Variants in ACSM2B observed in about 807,000 individuals in gnomAD.
ACSM2B encodes the protein acyl-coenzyme A synthetase ACSM2B, mitochondrial.
In ACSM2B, 58 loss-of-function variants were observed where a neutral mutation model predicts 78.6. The ratio of observed to expected loss-of-function variants is 0.74; its 90% CI spans 0.60 to 0.92. The LOEUF (loss-of-function observed/expected upper bound fraction) is 0.92. Ranked by LOEUF, ACSM2B falls within the 40% of genes least tolerant of loss-of-function variation. The pLI is 0.00. For synonymous variants in ACSM2B, 257 were observed against 256.8 expected, an observed-to-expected ratio of 1.00 and a Z score of -0.01; for missense variants, 688 against 711.2, an observed-to-expected ratio of 0.97 and a Z score of 0.37.
chr16:20,554,166 C>A, intron 4 of ACSM2B: 1 of 663,860 alleles, frequency 1.5e-6, no homozygotes, highest in Non-Finnish European at 2.7e-6. Context: ...TTCTCTGTGT[C>A]TCACTTTATA....
chr16:20,568,588 T>C (rs1447344868), intron 1 of ACSM2B, among the ~76,000 whole-genome samples: 1 of 151,600 alleles, frequency 6.6e-6, no homozygotes, highest in Non-Finnish European at 1.5e-5. Flanking sequence ...AGATACCCAG[T>C]AGTGGGATTG....
Position 20,548,043 on chromosome 16 carries a change from T to C in ACSM2B, c.1098+19A>G, listed in dbSNP as rs2015192569. The C allele has an allele frequency of 6.2e-7, 1 of 1,613,544 alleles. No homozygotes were observed. The highest frequency in any genetic ancestry group is 8.5e-7 in the Non-Finnish European group (1 of 1,179,646). ...CCCAAAAAGTGCACACAGCCCATGG[T>C]TCCCCTGGGAACAGGTACCGTTTCT... On this transcript the variant is annotated intron_variant, in intron 8 of 13. Coordinates refer to ENST00000329697, the MANE Select transcript of ACSM2B (RefSeq NM_001105069.2).
At chr16:20,552,403 G>A in intron 5 of ACSM2B, 106 bp from the exon 6 acceptor site, 1 of 1,454,926 alleles carries the variant, frequency 6.9e-7, no homozygotes, top group Non-Finnish European at 9.2e-7. Flanking sequence ...GCAGAGGTGT[G>A]CGTGTATCTG....
In ACSM2B at chr16:20,536,435, T is replaced by G. The variant is rs926380029; in HGVS notation, c.*823A>C. ...ATGTGGTATTTATAATGTGTCTGGG[T>G]CAGTGCCTGGCACATGGCAAATGCT... On this transcript the variant is annotated 3_prime_UTR_variant, in exon 14 of 14. Transcript: ENST00000329697. 2 of 152,158 alleles carry G rather than the reference T, an allele frequency of 1.3e-5. No homozygotes were observed. The highest frequency in any genetic ancestry group is 2.9e-5 in the Non-Finnish European group (2 of 68,032). 9.4% of individuals were successfully genotyped at this position (152,158 alleles called of 1,614,324 possible). A position where few individuals can be genotyped will look rare whatever the true frequency, so the allele number is the denominator to read the frequency against.
At chr16:20,552,114 A>G in intron 6 of ACSM2B, 30 bp downstream of exon 6, 1 of 1,569,446 alleles carries the variant, frequency 6.4e-7, no homozygotes, top group South Asian at 1.2e-5. Context: ...CTCACTCTGA[A>G]TAACTGCTGC....
intron 2 of ACSM2B, among the ~76,000 whole-genome samples, chr16:20,559,845 A>G (rs1174420592): frequency 2.0e-5 from 3 of 150,978 alleles, no homozygotes; most frequent in Non-Finnish European, 4.4e-5. Context: ...ATAACATTGG[A>G]TCCTCTCATC....
chr16:20,540,866 C>A, intron 12 of ACSM2B, 93 bp from the exon 13 acceptor site: 1 of 1,508,258 alleles, frequency 6.6e-7, no homozygotes, highest in Non-Finnish European at 9.0e-7. Flanking sequence ...TTGCATCACC[C>A]TTGTATCTAC....
At chr16:20,555,713 C>T (rs2015453212) in intron 3 of ACSM2B, among the ~76,000 whole-genome samples, 1 of 152,140 alleles carries the variant, frequency 6.6e-6, no homozygotes, top group Admixed American at 6.5e-5. Flanking sequence ...AATTGAATTG[C>T]TAATGTCACA....
At chr16:20,540,130 G>A (rs541229603) in intron 13 of ACSM2B, among the ~76,000 whole-genome samples, 2 of 152,082 alleles carry the variant, frequency 1.3e-5, no homozygotes, top group African/African-American at 2.4e-5. Context: ...GATTCAGAGT[G>A]AGTCAAAAGC....
Position 20,546,290 on chromosome 16 carries a change from T to A in ACSM2B, c.1179+104A>T, listed in dbSNP as rs1438694922. On this transcript the variant is annotated intron_variant, in intron 9 of 13. Transcript: ENST00000329697. ...CCTTTTTTCTGATATTATCTTAATATCAGTACTTTCTATTATTTTTGACTC... is the reference window on the plus strand; with the variant it reads ...CCTTTTTTCTGATATTATCTTAATAACAGTACTTTCTATTATTTTTGACTC... The A allele has an allele frequency of 2.6e-5, 39 of 1,475,852 alleles. No homozygotes were observed. The East Asian group carries it at 6.0e-4, about 23-fold the overall frequency. 91.4% of individuals were successfully genotyped at this position (1,475,852 alleles called of 1,614,324 possible).
At chr16:20,553,306 A>G (rs2015374032) in intron 5 of ACSM2B, among the ~76,000 whole-genome samples, 1 of 152,160 alleles carries the variant, frequency 6.6e-6, no homozygotes. Flanking sequence ...TATCAGTGGG[A>G]AAAAAATGCT....
chr16:20,566,726 TATATATA>T (rs2015890010), intron 1 of ACSM2B, among the ~76,000 whole-genome samples: 2 of 28,090 alleles, frequency 7.1e-5, no homozygotes, highest in Non-Finnish European at 1.1e-4. Flanking sequence ...TAGTATATAC[TATATATA>T]GTATATACTA....
At position 20,552,223 on chromosome 16, in the gene ACSM2B, G is replaced by C. The variant is rs745389976; in HGVS notation, c.815C>G (p.Ser272Ter). 10 of 1,613,772 alleles carry C rather than the reference G, an allele frequency of 6.2e-6. No homozygotes were observed. In the South Asian group the frequency reaches 9.9e-5, roughly 16 times the overall value. ...TCCTAATGTCCAAGATTCCAAAAGT[G>C]AGCCCAAGATGTTCAGTATCCAACC... ...DTGWILNILG[S>*]LLESWTLGAC... Residue 272 changes from serine to a stop codon, truncating the protein, a stop_gained, in exon 6 of 14, where the codon TCA becomes TGA. Coordinates refer to ENST00000329697, the MANE Select transcript of ACSM2B (RefSeq NM_001105069.2). LOFTEE classifies it high-confidence loss of function.
At chr16:20,558,580 C>T (rs1045364071) in intron 3 of ACSM2B, among the ~76,000 whole-genome samples, 1 of 152,086 alleles carries the variant, frequency 6.6e-6, no homozygotes, top group East Asian at 1.9e-4. Flanking sequence ...ACAAGCCTCT[C>T]TATCTCTTGG....
chr16:20,561,512 T>G (rs925500650), intron 2 of ACSM2B, among the ~76,000 whole-genome samples: 5 of 151,726 alleles, frequency 3.3e-5, no homozygotes, highest in Non-Finnish European at 2.9e-5. Context: ...TGCTAAGTCA[T>G]TCGTGTGGGA....
intron 4 of ACSM2B, 100 bp downstream of exon 4, chr16:20,555,169 C>T (rs1276367713): frequency 1.9e-6 from 3 of 1,563,486 alleles, no homozygotes; most frequent in African/African-American, 2.7e-5. Flanking sequence ...TAGTCCCATG[C>T]TGTTCTTCCT....
chr16:20,564,528 A>T, intron 2 of ACSM2B, 141 bp downstream of exon 2: 1 of 1,470,094 alleles, frequency 6.8e-7, no homozygotes, highest in Non-Finnish European at 9.0e-7. Context: ...TACTGCCTTC[A>T]TGGAAGATGA....
chr16:20,540,399 CA>C (rs1376493621), intron 13 of ACSM2B, among the ~76,000 whole-genome samples: 1 of 151,994 alleles, frequency 6.6e-6, no homozygotes, highest in Non-Finnish European at 1.5e-5. Flanking sequence ...CATGCCACTA[CA>C]CCAGGCTAAT....
At chr16:20,573,203 G>C (rs908301638) in intron 1 of ACSM2B, among the ~76,000 whole-genome samples, 1 of 151,800 alleles carries the variant, frequency 6.6e-6, no homozygotes, top group Non-Finnish European at 1.5e-5. Context: ...GGCTATGTTA[G>C]AGGGAAGATC....
Sources: allele counts gnomAD v4.1 joint callset (sites outside exome capture counted in the v4.1 genomes callset), GRCh38; gene constraint gnomAD v4.1.1; transcripts MANE v1.5; gene names NCBI Gene and HGNC (gene_info 2026-07-23, HGNC 2026-07-21).